FGD6: variants seen among roughly 807,000 people sequenced by gnomAD.
FGD6 encodes FYVE, RhoGEF and PH domain containing 6, also known as FYVE, RhoGEF and PH domain-containing protein 6.
Under a neutral mutation model 149.4 loss-of-function variants are expected in FGD6, and 90 were observed. The ratio of observed to expected loss-of-function variants is 0.60; its 90% CI spans 0.51 to 0.72. The LOEUF is 0.72. Ranked by LOEUF, FGD6 falls within the 30% of genes least tolerant of loss-of-function variation. The pLI is 0.00. For missense variants in FGD6, 1,437 were observed against 1,684.8 expected, an observed-to-expected ratio of 0.85 and a Z score of 2.57; for synonymous variants, 527 against 584.0, an observed-to-expected ratio of 0.90 and a Z score of 1.41.
intron 3 of FGD6, among the ~76,000 whole-genome samples, chr12:95,162,912 G>C (rs932148797): frequency 1.3e-5 from 2 of 152,118 alleles, no homozygotes; most frequent in African/African-American, 4.8e-5. Flanking sequence ...CCTCTCCTTT[G>C]ATGTTGCCTC....
chr12:95,082,584 G>C (rs140364418), intron 20 of FGD6, among the ~76,000 whole-genome samples: 5,196 of 150,260 alleles, frequency 0.035, 125 homozygotes, highest in Middle Eastern at 0.078. Flanking sequence ...TTGAACCCAG[G>C]AGGCAGAGGT....
At chr12:95,150,846 A>G (rs1880289398) in intron 5 of FGD6, among the ~76,000 whole-genome samples, 2 of 152,152 alleles carry the variant, frequency 1.3e-5, no homozygotes, top group African/African-American at 2.4e-5. Context: ...CATGCCTGTA[A>G]TTCCAGAACT....
At chr12:95,211,403 A>T in intron 1 of FGD6, 136 bp from the exon 2 acceptor site, 1 of 1,014,562 alleles carries the variant, frequency 9.9e-7, no homozygotes, top group South Asian at 2.1e-5. Flanking sequence ...ATATAGTATC[A>T]ATATTACTCC....
At chr12:95,142,790 CTT>C (rs1025686070) in intron 5 of FGD6, among the ~76,000 whole-genome samples, 28 of 152,326 alleles carry the variant, frequency 1.8e-4, no homozygotes, top group Non-Finnish European at 2.1e-4. Context: ...TCCCCTCCCT[CTT>C]GTCAACCTCT....
intron 14 of FGD6, among the ~76,000 whole-genome samples, chr12:95,097,637 A>AAAG (rs1458931732): frequency 6.1e-5 from 9 of 148,690 alleles, no homozygotes; most frequent in Non-Finnish European, 1.2e-4. Flanking sequence ...TCTGTCTCAA[A>AAAG]AAAAAAAAAA....
At chr12:95,187,535 C>A (rs367838347) in intron 2 of FGD6, among the ~76,000 whole-genome samples, 1 of 151,922 alleles carries the variant, frequency 6.6e-6, no homozygotes, top group East Asian at 1.9e-4. Flanking sequence ...CATCTGTAAT[C>A]CCAGCTACTT....
At chr12:95,153,397 C>G (rs1592854641) in intron 3 of FGD6, among the ~76,000 whole-genome samples, 1 of 152,210 alleles carries the variant, frequency 6.6e-6, no homozygotes, top group East Asian at 1.9e-4. Context: ...TGCAGTGGCT[C>G]ACGCCTGTAA....
intron 5 of FGD6, among the ~76,000 whole-genome samples, chr12:95,147,392 T>C (rs750443232): frequency 6.6e-6 from 1 of 152,180 alleles, no homozygotes; most frequent in African/African-American, 2.4e-5. Context: ...GAAAACATAA[T>C]TGAAAGCAAT....
Position 95,152,816 on chromosome 12 carries a change from G to A in FGD6, c.2680C>T (p.His894Tyr), listed in dbSNP as rs1880348115. The part of the protein sequence containing the change: ...KVFVDVLKLL[H>Y]IDFRDAVAHA... ...AAATATTAGCAGATACTTACAATAT[G>A]CAAAAGTTTTAACACATCCACAAAC... is the stretch of plus-strand genomic sequence containing the variant. Residue 894 changes from histidine (H) to tyrosine (Y), a missense_variant, in exon 5 of 21, where the codon CAT becomes TAT. Physicochemically the swap from His to Tyr is moderately conservative, Grantham distance 83. Coordinates refer to ENST00000343958, the MANE Select transcript of FGD6 (RefSeq NM_018351.4). 1.2e-6 allele frequency: 2 copies of A among 1,612,330 alleles called. No homozygotes were observed. Among genetic ancestry groups the A allele is most frequent in the African/African-American group, 1.3e-5 (1 of 74,844 alleles).
intron 2 of FGD6, among the ~76,000 whole-genome samples, chr12:95,188,584 AC>A (rs1328855442): frequency 6.6e-6 from 1 of 152,008 alleles, no homozygotes; most frequent in African/African-American, 2.4e-5. Context: ...AACAAACAAA[AC>A]CCCCAAAACC....
intron 2 of FGD6, among the ~76,000 whole-genome samples, chr12:95,205,632 T>A (rs1380093892): frequency 2.0e-5 from 3 of 152,232 alleles, no homozygotes; most frequent in Non-Finnish European, 4.4e-5. Context: ...AACAGGACCC[T>A]TTGAGCTCAC....
At chr12:95,206,803 G>A (rs1349439336) in intron 2 of FGD6, among the ~76,000 whole-genome samples, 4 of 152,108 alleles carry the variant, frequency 2.6e-5, no homozygotes, top group African/African-American at 9.7e-5. Flanking sequence ...AATGCAGCTG[G>A]CTGTGAGAAA....
chr12:95,151,600 A>T (rs1157614938), intron 5 of FGD6, among the ~76,000 whole-genome samples: 1 of 152,220 alleles, frequency 6.6e-6, no homozygotes, highest in Non-Finnish European at 1.5e-5. Flanking sequence ...CCAAGTACAG[A>T]GCACAGGTAA....
intron 15 of FGD6, among the ~76,000 whole-genome samples, chr12:95,094,016 G>A (rs1456649037): frequency 2.0e-5 from 3 of 151,258 alleles, no homozygotes; most frequent in Non-Finnish European, 4.4e-5. Flanking sequence ...AAAATTAGCT[G>A]GGCGTGGTGG....
At chr12:95,188,439 G>A (rs1592869597) in intron 2 of FGD6, among the ~76,000 whole-genome samples, 2 of 152,214 alleles carry the variant, frequency 1.3e-5, no homozygotes, top group African/African-American at 2.4e-5. Context: ...GGAAGACAAG[G>A]TTCCTGCCCT....
intron 8 of FGD6, chr12:95,126,512 T>C: frequency 2.0e-6 from 1 of 495,866 alleles, no homozygotes; most frequent in South Asian, 3.1e-5. Flanking sequence ...GTGGATCACT[T>C]GAGGTCAGGA....
At chr12:95,107,532 G>C in intron 12 of FGD6, 31 bp downstream of exon 12, 1 of 1,609,904 alleles carries the variant, frequency 6.2e-7, no homozygotes, top group Non-Finnish European at 8.5e-7. Context: ...TCCCTACCTC[G>C]GCCACATCAG....
At position 95,209,240 on chromosome 12, in the gene FGD6, C is replaced by T. The variant is rs775088766; in HGVS notation, c.2044G>A (p.Glu682Lys). The stretch of plus-strand genomic sequence containing the variant: ...GCCTTGATGGGTTTACTTCTCTTCT[C>T]CTCTCCTACCAACAAGCCTTGCCAA... ...SDWQGLLVGE[E>K]KRSKPIKAYS... Residue 682 changes from glutamate (E) to lysine (K), a missense_variant, in exon 2 of 21, where the codon GAG becomes AAG. Physicochemically the swap from Glu to Lys is moderately conservative, Grantham distance 56. Around this residue, in one of 2 missense-constraint regions of FGD6, gnomAD observed 1,055 missense variants for 1,146.0 expected, o/e 0.92. Coordinates refer to ENST00000343958, the MANE Select transcript of FGD6 (RefSeq NM_018351.4). The T allele has an allele frequency of 6.2e-7, 1 of 1,614,052 alleles. No individual in the cohort carries two copies. The highest frequency in any genetic ancestry group is 1.1e-5 in the South Asian group (1 of 91,072).
chr12:95,170,564 C>T (rs1471252567), intron 3 of FGD6, among the ~76,000 whole-genome samples: 1 of 152,160 alleles, frequency 6.6e-6, no homozygotes, highest in East Asian at 1.9e-4. Flanking sequence ...ATCACTTGAA[C>T]CCGGGAGGCA....
Sources: allele counts gnomAD v4.1 joint callset (sites outside exome capture counted in the v4.1 genomes callset), GRCh38; gene constraint gnomAD v4.1.1; regional missense constraint gnomAD v4.1.1; transcripts MANE v1.5; gene names NCBI Gene and HGNC (gene_info 2026-07-23, HGNC 2026-07-21).